Variants in PTPN9 observed in about 807,000 individuals in gnomAD.
The protein encoded by PTPN9 is protein tyrosine phosphatase non-receptor type 9, also known as tyrosine-protein phosphatase non-receptor type 9.
PTPN9 carries 26 observed loss-of-function variants against 69.8 expected under a neutral mutation model. That is an observed-to-expected ratio of 0.37 (90% CI 0.27 to 0.52). The LOEUF is 0.52. Ranked by LOEUF, PTPN9 falls within the 20% of genes least tolerant of loss-of-function variation. PTPN9 has a pLI of 0.91. For missense variants in PTPN9, 549 were observed against 740.3 expected (o/e 0.74, Z 3.00); for synonymous variants, 274 against 272.5 (o/e 1.01, Z -0.05).
At chr15:75,470,628 A>T in intron 11 of PTPN9, 52 bp downstream of exon 11, 1 of 1,578,788 alleles carries the variant, frequency 6.3e-7, no homozygotes, top group Admixed American at 1.7e-5. Context: ...TCATTACAGT[A>T]ATTATTCTCC....
chr15:75,552,737 A>G (rs1297576270), intron 1 of PTPN9, among the ~76,000 whole-genome samples: 1 of 149,858 alleles, frequency 6.7e-6, no homozygotes, highest in Non-Finnish European at 1.5e-5. Flanking sequence ...CCCCACAGTA[A>G]GTCAAAAAGC....
In PTPN9 at chr15:75,530,467, T is replaced by A. The variant is rs1259169251; in HGVS notation, c.64-3206A>T. On this transcript the variant is annotated intron_variant, in intron 1 of 12. Coordinates refer to ENST00000618819, the MANE Select transcript of PTPN9 (RefSeq NM_002833.4). ...ATTATTATTATAATAAAATATATAT[T>A]ATAATAATAAAAATATATATTATAA... Among the ~76,000 whole-genome samples, 6 of 98,992 alleles carry A rather than the reference T, an allele frequency of 6.1e-5. 1 individual carries two copies. The highest frequency in any genetic ancestry group is 5.5e-4 in the South Asian group (2 of 3,624). 64.9% of individuals were successfully genotyped at this position (98,992 alleles called of 152,430 possible).
At chr15:75,529,191 T>G (rs1373029515) in intron 1 of PTPN9, among the ~76,000 whole-genome samples, 2 of 151,984 alleles carry the variant, frequency 1.3e-5, no homozygotes, top group African/African-American at 4.8e-5. Context: ...TTCACCATAT[T>G]GGCCAGGCTG....
Position 75,508,315 on chromosome 15 carries a change from C to T in PTPN9, c.639+602G>A, listed in dbSNP as rs371674984. ...TCAAGCGATCTTCCCGCCTTGGCCT[C>T]GGACTCCCAAAGTGTTAGTATTATA... On this transcript the variant is annotated intron_variant, in intron 6 of 12. Transcript: ENST00000618819. Among the ~76,000 whole-genome samples, 6 of 152,194 alleles carry T rather than the reference C, an allele frequency of 3.9e-5. No homozygotes were observed. In the South Asian group the frequency reaches 1.0e-3, roughly 26 times the overall value.
At chr15:75,470,071 G>T in intron 11 of PTPN9, 72 bp from the exon 12 acceptor site, 1 of 1,350,786 alleles carries the variant, frequency 7.4e-7, no homozygotes, top group African/African-American at 1.4e-5. Context: ...GGCTTTTCCA[G>T]ATTCTCAACA....
intron 9 of PTPN9, 124 bp downstream of exon 9, chr15:75,479,724 C>A: frequency 1.3e-6 from 1 of 757,498 alleles, no homozygotes; most frequent in Non-Finnish European, 2.1e-6. Context: ...TTATAAAAGG[C>A]CAGGATCTAG....
intron 3 of PTPN9, among the ~76,000 whole-genome samples, chr15:75,523,790 A>G (rs1462356632): frequency 6.6e-6 from 1 of 152,214 alleles, no homozygotes; most frequent in African/African-American, 2.4e-5. Flanking sequence ...CTGATTTTCC[A>G]TAATTCAATT....
chr15:75,545,665 C>T (rs1373819645), intron 1 of PTPN9, among the ~76,000 whole-genome samples: 5 of 152,152 alleles, frequency 3.3e-5, no homozygotes, highest in Admixed American at 6.5e-5. Context: ...TATGGCCAGG[C>T]GCGGTGGCTC....
chr15:75,509,827 TACAA>T (rs1220150530), intron 5 of PTPN9, among the ~76,000 whole-genome samples: 1 of 151,690 alleles, frequency 6.6e-6, no homozygotes, highest in Non-Finnish European at 1.5e-5. Flanking sequence ...CTACTAAAAA[TACAA>T]AGATTAGCCG....
At chr15:75,543,845 T>C (rs2075019832) in intron 1 of PTPN9, among the ~76,000 whole-genome samples, 1 of 152,084 alleles carries the variant, frequency 6.6e-6, no homozygotes, top group Admixed American at 6.6e-5. Flanking sequence ...CAATAATAAG[T>C]TTGTTGGTAA....
At position 75,579,290 on chromosome 15, in the gene PTPN9, C is replaced by G. The variant is rs1177657217; in HGVS notation, c.-514G>C. On this transcript the variant is annotated 5_prime_UTR_variant, in exon 1 of 13. Transcript: ENST00000618819. ...CCTGCGCGGCTGCCTCAGCCAGGCT[C>G]CTCGCGGGCGGCCGCAGCGAAAGGG... 20 of 152,172 alleles carry G rather than the reference C, an allele frequency of 1.3e-4. No homozygotes were observed. The highest frequency in any genetic ancestry group is 1.2e-3 in the Admixed American group (18 of 15,282). 9.4% of individuals were successfully genotyped at this position (152,172 alleles called of 1,614,324 possible). A position where few individuals can be genotyped will look rare whatever the true frequency, so the allele number is the denominator to read the frequency against.
At position 75,567,550 on chromosome 15, in the gene PTPN9, T is replaced by C. The variant is rs921213386; in HGVS notation, c.63+11164A>G. On this transcript the variant is annotated intron_variant, in intron 1 of 12. Coordinates refer to ENST00000618819, the MANE Select transcript of PTPN9 (RefSeq NM_002833.4). ...TTTAGAACCTGCCCAGAAATTACTG[T>C]AGAAATAAATTCTGGCTTCAGAATA... is the stretch of plus-strand genomic sequence containing the variant. Among the ~76,000 whole-genome samples the C allele has an allele frequency of 3.3e-5, 5 of 152,284 alleles. 1 individual carries two copies. The South Asian group carries it at 1.0e-3, about 32-fold the overall frequency.
chr15:75,532,659 C>A (rs2074968507), intron 1 of PTPN9, among the ~76,000 whole-genome samples: 1 of 152,166 alleles, frequency 6.6e-6, no homozygotes, highest in East Asian at 1.9e-4. Flanking sequence ...CTGACCAGGC[C>A]TTGCATGTAG....
intron 8 of PTPN9, among the ~76,000 whole-genome samples, chr15:75,483,211 C>T (rs1281828513): frequency 6.6e-6 from 1 of 152,182 alleles, no homozygotes; most frequent in East Asian, 1.9e-4. Flanking sequence ...CCATATGACC[C>T]AGCAATTCCA....
intron 12 of PTPN9, 42 bp downstream of exon 12, chr15:75,469,750 T>G (rs532185361): frequency 6.3e-7 from 1 of 1,594,442 alleles, no homozygotes; most frequent in African/African-American, 1.3e-5. Flanking sequence ...CGTCCACCCC[T>G]ACTGCCCCTG....
At chr15:75,530,846 A>ATAT (rs1447780569) in intron 1 of PTPN9, among the ~76,000 whole-genome samples, 1 of 100,764 alleles carries the variant, frequency 9.9e-6, no homozygotes, top group Admixed American at 1.7e-4. Flanking sequence ...ATAATATATT[A>ATAT]TATATTATGA....
At chr15:75,533,403 G>A (rs1328630204) in intron 1 of PTPN9, among the ~76,000 whole-genome samples, 2 of 151,952 alleles carry the variant, frequency 1.3e-5, no homozygotes, top group Admixed American at 1.3e-4. Context: ...GAGACTACAT[G>A]CACACGTCAC....
At chr15:75,578,554 G>T (rs2075184306) in intron 1 of PTPN9, among the ~76,000 whole-genome samples, 160 bp downstream of exon 1, 5 of 152,174 alleles carry the variant, frequency 3.3e-5, no homozygotes, top group Admixed American at 3.3e-4. Flanking sequence ...GGGGGTGGCG[G>T]CCTGGGGCGC....
At chr15:75,576,469 T>C (rs968129551) in intron 1 of PTPN9, among the ~76,000 whole-genome samples, 18 of 149,956 alleles carry the variant, frequency 1.2e-4, no homozygotes, top group African/African-American at 4.4e-4. Flanking sequence ...CAGATGGAGG[T>C]TGCAGTGAGC....
Sources: allele counts gnomAD v4.1 joint callset (sites outside exome capture counted in the v4.1 genomes callset), GRCh38; gene constraint gnomAD v4.1.1; transcripts MANE v1.5; gene names NCBI Gene and HGNC (gene_info 2026-07-23, HGNC 2026-07-21).